EXOC4: variants seen among roughly 807,000 people sequenced by gnomAD.
The protein encoded by EXOC4 is SEC8-like 1.
A neutral mutation model predicts 107.2 loss-of-function variants in EXOC4; 71 were observed. The observed-to-expected ratio is 0.66, with a 90% CI of 0.55 to 0.81. The LOEUF (loss-of-function observed/expected upper bound fraction) is 0.81, where lower values mean the gene tolerates loss of function less well. Among genes scored for constraint, EXOC4 ranks in the 30% least tolerant of loss-of-function variants. The pLI is 0.00. For synonymous variants in EXOC4, 456 were observed against 441.2 expected, an observed-to-expected ratio of 1.03 and a Z score of -0.42; for missense variants, 1,108 against 1,189.6, an observed-to-expected ratio of 0.93 and a Z score of 1.01.
chr7:133,803,173 G>A (rs998972373), intron 10 of EXOC4, among the ~76,000 whole-genome samples: 1 of 152,112 alleles, frequency 6.6e-6, no homozygotes, highest in South Asian at 2.1e-4. Flanking sequence ...CAACATGATG[G>A]CTGGAAATTT....
At chr7:134,082,932 A>G in the EXOC4 span, among the ~76,000 whole-genome samples, 1 of 152,210 alleles carries the variant, frequency 6.6e-6, no homozygotes, top group Admixed American at 6.5e-5. Flanking sequence ...CAAATGGATG[A>G]CATTACATAT....
At chr7:133,835,764 TTATA>T (rs1797906050) in intron 11 of EXOC4, among the ~76,000 whole-genome samples, 1 of 152,244 alleles carries the variant, frequency 6.6e-6, no homozygotes, top group South Asian at 2.1e-4. Context: ...ATTTATGTGA[TTATA>T]TATTTATATT....
chr7:133,268,331 T>C (rs1238227959), intron 1 of EXOC4, among the ~76,000 whole-genome samples: 1 of 152,244 alleles, frequency 6.6e-6, no homozygotes, highest in Non-Finnish European at 1.5e-5. Context: ...TAAGAGACTT[T>C]CTTGGTGTAT....
intron 11 of EXOC4, among the ~76,000 whole-genome samples, chr7:133,849,089 A>G (rs1373526452): frequency 6.6e-6 from 1 of 152,202 alleles, no homozygotes; most frequent in Non-Finnish European, 1.5e-5. Context: ...GCACACCATT[A>G]TACAGAATTT....
intron 11 of EXOC4, among the ~76,000 whole-genome samples, chr7:133,864,129 T>G (rs2116357093): frequency 6.6e-6 from 1 of 152,328 alleles, no homozygotes; most frequent in African/African-American, 2.4e-5. Context: ...CAGAGCTTTG[T>G]GTGTCCACTG....
At chr7:133,773,215 C>A (rs1796279863) in intron 10 of EXOC4, among the ~76,000 whole-genome samples, 1 of 151,910 alleles carries the variant, frequency 6.6e-6, no homozygotes, top group Non-Finnish European at 1.5e-5. Flanking sequence ...TAGAGACATG[C>A]CCACTCAAGC....
intron 7 of EXOC4, among the ~76,000 whole-genome samples, chr7:133,391,553 G>C (rs547317048): frequency 1.3e-5 from 2 of 152,216 alleles, no homozygotes; most frequent in Admixed American, 1.3e-4. Flanking sequence ...AGCATCTGCT[G>C]TGACTAAGGA....
rs905079513 is a variant in EXOC4, at chr7:133,254,214, C to G, written c.86+1027C>G. ...AACCATTAGAACAGCTTACCACTCA[C>G]TGACAAAGACACATCTTATGGGTCT... is the stretch of plus-strand genomic sequence containing the variant. On this transcript the variant is annotated intron_variant, in intron 1 of 17. Transcript: ENST00000253861. 5.3e-5 allele frequency among the ~76,000 whole-genome samples: 8 copies of G among 152,306 alleles called. No individual in the cohort carries two copies. In the East Asian group the frequency reaches 1.5e-3, roughly 29 times the overall value.
At chr7:133,997,834 G>C (rs905846590) in intron 15 of EXOC4, among the ~76,000 whole-genome samples, 1 of 152,110 alleles carries the variant, frequency 6.6e-6, no homozygotes, top group Admixed American at 6.5e-5. Flanking sequence ...TTCAGAGCTG[G>C]CATGATCTAT....
At chr7:133,712,511 GT>G (rs1167818399) in intron 10 of EXOC4, among the ~76,000 whole-genome samples, 1 of 146,652 alleles carries the variant, frequency 6.8e-6, no homozygotes, top group African/African-American at 2.5e-5. Flanking sequence ...ATACAAAAGG[GT>G]TCCACCATGA....
chr7:133,492,440 TC>T (rs932349545), intron 9 of EXOC4, among the ~76,000 whole-genome samples: 6 of 152,214 alleles, frequency 3.9e-5, no homozygotes, highest in Admixed American at 3.9e-4. Flanking sequence ...TTTATGGTTC[TC>T]TTTTGGTTGT....
chr7:134,062,465 C>G (rs189385496), intron 17 of EXOC4, among the ~76,000 whole-genome samples: 1 of 152,086 alleles, frequency 6.6e-6, no homozygotes, highest in Non-Finnish European at 1.5e-5. Context: ...CAAAATGTTC[C>G]TGATGAGAAA....
At chr7:133,277,309 C>G (rs1794019405) in intron 2 of EXOC4, among the ~76,000 whole-genome samples, 1 of 152,194 alleles carries the variant, frequency 6.6e-6, no homozygotes. Flanking sequence ...ATGTATAGAG[C>G]TGCTGACCTT....
chr7:133,853,145 C>G (rs1798270246), intron 11 of EXOC4, among the ~76,000 whole-genome samples: 1 of 152,028 alleles, frequency 6.6e-6, no homozygotes, highest in African/African-American at 2.4e-5. Flanking sequence ...GAGGTCGTCT[C>G]CAGCTTCTTT....
intron 10 of EXOC4, among the ~76,000 whole-genome samples, chr7:133,738,747 A>G (rs989801046): frequency 5.3e-5 from 8 of 152,228 alleles, no homozygotes; most frequent in Non-Finnish European, 1.0e-4. Context: ...ATAATGTTAC[A>G]TCTCCAAGGA....
At position 133,504,310 on chromosome 7, in the gene EXOC4, C is replaced by T. The variant is rs1300516002; in HGVS notation, c.1417+24172C>T. 3.3e-5 allele frequency among the ~76,000 whole-genome samples: 5 copies of T among 151,934 alleles called. No individual in the cohort carries two copies. The East Asian group carries it at 7.7e-4, about 23-fold the overall frequency. ...TAAGTGTGAATCATTTTAAAGAAAG[C>T]AAGGATTATTTAGTGGAGTAGAAAA... On this transcript the variant is annotated intron_variant, in intron 9 of 17. Coordinates refer to ENST00000253861, the MANE Select transcript of EXOC4 (RefSeq NM_021807.4).
chr7:134,026,755 T>C (rs1053192023), intron 17 of EXOC4, among the ~76,000 whole-genome samples: 1 of 152,008 alleles, frequency 6.6e-6, no homozygotes. Flanking sequence ...TTAGAGAAAA[T>C]GTTGTAGAAG....
chr7:133,537,301 C>CA (rs1381597799), intron 9 of EXOC4, among the ~76,000 whole-genome samples: 3 of 148,772 alleles, frequency 2.0e-5, no homozygotes, highest in African/African-American at 7.6e-5. Context: ...CAGGCACCCC[C>CA]CCCCCCACCA....
intron 10 of EXOC4, among the ~76,000 whole-genome samples, chr7:133,761,189 A>G (rs1005270537): frequency 6.6e-6 from 1 of 152,220 alleles, no homozygotes; most frequent in African/African-American, 2.4e-5. Flanking sequence ...AATTTTGAAC[A>G]AAGCATTGTA....
Sources: allele counts gnomAD v4.1 joint callset (sites outside exome capture counted in the v4.1 genomes callset), GRCh38; gene constraint gnomAD v4.1.1; transcripts MANE v1.5; gene names NCBI Gene and HGNC (gene_info 2026-07-23, HGNC 2026-07-21).